AKNA: variants seen among roughly 807,000 people sequenced by gnomAD.
AKNA encodes the protein microtubule organization protein AKNA.
In AKNA, 67 loss-of-function variants were observed where a neutral mutation model predicts 138.8. The ratio of observed to expected loss-of-function variants is 0.48; its 90% CI spans 0.40 to 0.59. The LOEUF is 0.59. AKNA is among the 20% of genes least tolerant of loss of function. The pLI is 0.00. For synonymous variants in AKNA, 737 were observed against 754.4 expected, an observed-to-expected ratio of 0.98 and a Z score of 0.38; for missense variants, 1,813 against 1,880.4, an observed-to-expected ratio of 0.96 and a Z score of 0.66.
chr9:114,330,670 G>T, downstream of AKNA: 1 of 1,600,898 alleles, frequency 6.2e-7, no homozygotes, highest in Admixed American at 1.7e-5. Context: ...CCTTCCCATG[G>T]GTGGAACCGG....
intron 9 of AKNA, among the ~76,000 whole-genome samples, chr9:114,360,789 G>A (rs149736129): frequency 1.8e-4 from 27 of 152,258 alleles, no homozygotes; most frequent in African/African-American, 5.8e-4. Context: ...CTGTGTGAAC[G>A]CACTACACTC....
rs1831820968 is a variant in AKNA, at chr9:114,360,012, T to A, written c.2175A>T (p.Val725=). The A allele has an allele frequency of 1.2e-6, 2 of 1,614,076 alleles. No homozygotes were observed. Among genetic ancestry groups the A allele is most frequent in the Non-Finnish European group, 1.7e-6 (2 of 1,180,024 alleles). ...TGTTGCCAGAGCTCACCTCCACATT[T>A]ACGTGCAATGGGCAGGGGCCAGTGC... ...AASTGPCPLH[V]NVEVSSGNSE... Residue 725 remains valine, a synonymous_variant, in exon 10 of 22, where the codon GTA becomes GTT. Coordinates refer to ENST00000374088, the MANE Select transcript of AKNA (RefSeq NM_001317950.2).
chr9:114,384,253 C>T (rs1833882738), intron 1 of AKNA, among the ~76,000 whole-genome samples: 3 of 152,090 alleles, frequency 2.0e-5, no homozygotes, highest in Admixed American at 2.0e-4. Flanking sequence ...AGAGTATTTT[C>T]AAAAGTGATC....
intron 1 of AKNA, among the ~76,000 whole-genome samples, chr9:114,384,350 C>T (rs1424566059): frequency 2.6e-5 from 4 of 152,192 alleles, no homozygotes; most frequent in Non-Finnish European, 5.9e-5. Context: ...GTGGGCAGAT[C>T]ACTTGAGCTC....
At chr9:114,353,371 C>T (rs1192012266) in intron 14 of AKNA, among the ~76,000 whole-genome samples, 30 of 151,986 alleles carry the variant, frequency 2.0e-4, no homozygotes, top group Admixed American at 2.0e-3. Context: ...TTAAGCCATT[C>T]TCCTGCCTCA....
At chr9:114,382,062 C>T (rs970472071) in intron 1 of AKNA, among the ~76,000 whole-genome samples, 2 of 152,166 alleles carry the variant, frequency 1.3e-5, no homozygotes, top group African/African-American at 4.8e-5. Flanking sequence ...ACTGGCTCTT[C>T]GTGTGGGCAT....
At chr9:114,369,094 GA>G (rs1475113103) in intron 4 of AKNA, among the ~76,000 whole-genome samples, 1 of 152,162 alleles carries the variant, frequency 6.6e-6, no homozygotes, top group African/African-American at 2.4e-5. Flanking sequence ...CTATTCGAAT[GA>G]ATGAGTGAAC....
chr9:114,384,785 G>T (rs1833917045), intron 1 of AKNA, among the ~76,000 whole-genome samples: 2 of 152,176 alleles, frequency 1.3e-5, no homozygotes, highest in African/African-American at 4.8e-5. Flanking sequence ...AGTTTTGGGG[G>T]AGTTAAAAGT....
intron 8 of AKNA, 73 bp from the exon 9 acceptor site, chr9:114,361,984 C>A: frequency 6.6e-7 from 1 of 1,505,166 alleles, no homozygotes. Context: ...AACAGAGTAT[C>A]AGAGCAGAGA....
At chr9:114,351,541 G>C (rs1831120371) in intron 14 of AKNA, among the ~76,000 whole-genome samples, 1 of 152,086 alleles carries the variant, frequency 6.6e-6, no homozygotes, top group Admixed American at 6.5e-5. Flanking sequence ...GGCCAGACAT[G>C]GTGGCTCACG....
upstream of AKNA, among the ~76,000 whole-genome samples, chr9:114,395,468 G>C (rs10982197): frequency 9.2e-5 from 14 of 152,188 alleles, no homozygotes; most frequent in East Asian, 2.5e-3. Flanking sequence ...TCAGGTTAAA[G>C]GCCAGACATT....
upstream of AKNA, among the ~76,000 whole-genome samples, chr9:114,390,587 T>G (rs1189168124): frequency 2.6e-5 from 4 of 152,230 alleles, no homozygotes. Context: ...TTCCCCACAC[T>G]GCACCGATGT....
In AKNA at chr9:114,367,683, G is replaced by A. The variant is rs866011768; in HGVS notation, c.1588C>T (p.Arg530Ter). Residue 530 changes from arginine (R) to a stop codon, truncating the protein, a stop_gained, in exon 6 of 22, where the codon CGA becomes TGA. Coordinates refer to ENST00000374088, the MANE Select transcript of AKNA (RefSeq NM_001317950.2). LOFTEE classifies it high-confidence loss of function. ...AGCGAGGAGGGGCTCAAGTCTCCTC[G>A]AGCTGATGGCCACCCTGGAATACAC... ...ASAASGWPSA[R>*]GDLSPSSLTS... 6.3e-7 allele frequency: 1 copy of A among 1,574,842 alleles called. No individual in the cohort carries two copies.
At chr9:114,373,495 C>A (rs562735643) in intron 4 of AKNA, among the ~76,000 whole-genome samples, 4 of 152,268 alleles carry the variant, frequency 2.6e-5, no homozygotes, top group Non-Finnish European at 5.9e-5. Flanking sequence ...AAGTAACGTC[C>A]TTAAGGTCAC....
At chr9:114,353,684 T>C (rs527607404) in intron 14 of AKNA, among the ~76,000 whole-genome samples, 33 of 152,340 alleles carry the variant, frequency 2.2e-4, no homozygotes, top group African/African-American at 7.5e-4. Context: ...CTATTACATA[T>C]GTGAGGTAGA....
chr9:114,349,298 T>G (rs986863457), intron 15 of AKNA, among the ~76,000 whole-genome samples: 13 of 152,212 alleles, frequency 8.5e-5, no homozygotes, highest in Admixed American at 6.5e-4. Flanking sequence ...TTCATCTTTC[T>G]CTGCAAACTT....
rs1361292405 is a variant in AKNA at position 114,334,558 on chromosome 9, T to A, written c.*2496A>T. ...GAAATCAGCTGACATCCTGCAAATGTGGAGCCCTGAGGTGGAGCCAAGCCC... is the reference window on the plus strand; with the variant it reads ...GAAATCAGCTGACATCCTGCAAATGAGGAGCCCTGAGGTGGAGCCAAGCCC... On this transcript the variant is annotated 3_prime_UTR_variant, in exon 22 of 22. Coordinates refer to ENST00000374088, the MANE Select transcript of AKNA (RefSeq NM_001317950.2). 1.4e-5 allele frequency: 2 copies of A among 146,756 alleles called. No homozygotes were observed. The highest frequency in any genetic ancestry group is 2.9e-5 in the Non-Finnish European group (2 of 68,146). 9.1% of individuals were successfully genotyped at this position (146,756 alleles called of 1,614,324 possible). A position where few individuals can be genotyped will look rare whatever the true frequency, so the allele number is the denominator to read the frequency against.
intron 2 of AKNA, among the ~76,000 whole-genome samples, chr9:114,378,144 G>C (rs1330219635): frequency 6.6e-6 from 1 of 152,026 alleles, no homozygotes; most frequent in East Asian, 1.9e-4. Flanking sequence ...TCTCTCCATG[G>C]CCCCTCAAGC....
chr9:114,349,000 C>A, intron 15 of AKNA: 1 of 456,152 alleles, frequency 2.2e-6, no homozygotes, highest in Non-Finnish European at 4.4e-6. Context: ...TGTGCCCCAG[C>A]GCTGAGTGTG....
Sources: gnomAD v4.1 joint callset for allele counts (sites outside exome capture counted in the v4.1 genomes callset) on GRCh38, gnomAD v4.1.1 for gene constraint, MANE v1.5 for transcripts, NCBI Gene and HGNC (gene_info 2026-07-23, HGNC 2026-07-21) for gene names.